Variants in USP45 observed in about 807,000 individuals in gnomAD.
USP45 encodes ubiquitin carboxyl-terminal hydrolase 45.
Under a neutral mutation model 95.8 loss-of-function variants are expected in USP45, and 89 were observed. The ratio of observed to expected loss-of-function variants is 0.93; its 90% confidence interval spans 0.78 to 1.11. The LOEUF (loss-of-function observed/expected upper bound fraction) is 1.11, where lower values mean the gene tolerates loss of function less well. USP45 is among the 50% of genes least tolerant of loss of function. USP45 has a pLI of 0.00. For synonymous variants in USP45, 281 were observed against 316.2 expected, an observed-to-expected ratio of 0.89 and a Z score of 1.18; for missense variants, 898 against 942.5, an observed-to-expected ratio of 0.95 and a Z score of 0.62.
rs1779879960 is a variant in USP45, at chr6:99,432,622, A to G, written c.*3094T>C. The G allele has an allele frequency of 6.6e-6, 1 of 152,222 alleles. No individual in the cohort carries two copies. Among genetic ancestry groups the G allele is most frequent in the Non-Finnish European group, 1.5e-5 (1 of 68,030 alleles). The allele number at this position is 152,222 out of a possible 1,614,324, so 9.4% of individuals were successfully genotyped here. A position where few individuals can be genotyped will look rare whatever the true frequency, so the allele number is the denominator to read the frequency against. Reference sequence around the variant, plus strand: ...TTAAACATTTGAATTCATGATTTCTACGTAAACAAAAACATCATAAATATC... The same window carrying G: ...TTAAACATTTGAATTCATGATTTCTGCGTAAACAAAAACATCATAAATATC... On this transcript the variant is annotated 3_prime_UTR_variant, in exon 18 of 18. Coordinates refer to ENST00000500704, the MANE Select transcript of USP45 (RefSeq NM_001346022.3).
intron 5 of USP45, among the ~76,000 whole-genome samples, chr6:99,501,547 C>T (rs1797354739): frequency 6.6e-6 from 1 of 152,178 alleles, no homozygotes; most frequent in Non-Finnish European, 1.5e-5. Flanking sequence ...TTTTGTAGCA[C>T]TTACCAGAAG....
chr6:99,436,511 C>T (rs1240422976), intron 17 of USP45, among the ~76,000 whole-genome samples: 1 of 151,900 alleles, frequency 6.6e-6, no homozygotes, highest in Non-Finnish European at 1.5e-5. Context: ...AGCCGAGATC[C>T]TGCCACTGCA....
At chr6:99,515,805 C>T (rs1225221450), upstream of USP45, among the ~76,000 whole-genome samples, 3 of 121,220 alleles carry the variant, frequency 2.5e-5, no homozygotes, top group Non-Finnish European at 4.7e-5. Context: ...GACGGAGTCT[C>T]GCTCTGTCGC....
At chr6:99,479,649 A>T (rs13201646) in intron 8 of USP45, among the ~76,000 whole-genome samples, 4 of 147,012 alleles carry the variant, frequency 2.7e-5, no homozygotes, top group South Asian at 2.1e-4. Context: ...AAGCATTTTT[A>T]AAAAATCCAT....
At chr6:99,482,211 AAAGC>A (rs1213742147) in intron 8 of USP45, 1 of 152,242 alleles carries the variant, frequency 6.6e-6, no homozygotes, top group African/African-American at 2.4e-5. Flanking sequence ...TACCTCATAA[AAAGC>A]AAGCTCTCAA....
upstream of USP45, among the ~76,000 whole-genome samples, chr6:99,516,500 A>G (rs184290966): frequency 6.6e-6 from 1 of 152,232 alleles, no homozygotes; most frequent in Admixed American, 6.5e-5. Flanking sequence ...CAGTATTTAC[A>G]TGTGGAGAAC....
Position 99,464,672 on chromosome 6 carries a change from CACT to C in USP45, c.1237_1239del (p.Ser413del), listed in dbSNP as rs1209659942. On this transcript the variant is annotated inframe_deletion, in exon 13 of 18. Transcript: ENST00000500704. The stretch of plus-strand genomic sequence containing the variant: ...TGAATATTTTCTATAGTAACATTGC[CACT>C]GTATCGATCATGATCTGTCTCCCGT... The C allele has an allele frequency of 6.2e-7, 1 of 1,613,128 alleles. No individual in the cohort carries two copies. Among genetic ancestry groups the C allele is most frequent in the Non-Finnish European group, 8.5e-7 (1 of 1,179,772 alleles).
intron 13 of USP45, among the ~76,000 whole-genome samples, chr6:99,459,666 T>C (rs1448750715): frequency 6.6e-6 from 1 of 152,224 alleles, no homozygotes; most frequent in East Asian, 1.9e-4. Context: ...TTTTTAATAA[T>C]AGCATTCTGA....
chr6:99,476,453 C>A (rs1269909876), intron 8 of USP45, among the ~76,000 whole-genome samples: 1 of 152,168 alleles, frequency 6.6e-6, no homozygotes, highest in Non-Finnish European at 1.5e-5. Flanking sequence ...CCAAAACACA[C>A]ACCCACACAC....
intron 13 of USP45, among the ~76,000 whole-genome samples, chr6:99,452,200 A>G (rs1308437243): frequency 6.6e-6 from 1 of 152,228 alleles, no homozygotes; most frequent in African/African-American, 2.4e-5. Context: ...TAAACTAAGG[A>G]GCTTCTGCAC....
chr6:99,488,880 T>C, intron 5 of USP45, 60 bp from the exon 6 acceptor site: 1 of 1,240,344 alleles, frequency 8.1e-7, no homozygotes, highest in Non-Finnish European at 1.1e-6. Context: ...TCACTTAACA[T>C]AATTTATATA....
At chr6:99,489,764 T>C (rs1202508989) in intron 5 of USP45, among the ~76,000 whole-genome samples, 2 of 151,938 alleles carry the variant, frequency 1.3e-5, no homozygotes, top group African/African-American at 4.8e-5. Context: ...CTGGCCAAGA[T>C]GGTGAAAGCC....
chr6:99,505,359 G>T (rs1562447707), intron 4 of USP45, among the ~76,000 whole-genome samples: 1 of 152,052 alleles, frequency 6.6e-6, no homozygotes, highest in Non-Finnish European at 1.5e-5. Flanking sequence ...AGTGTTCAAA[G>T]TGTTTTATAA....
rs1010098167 is a variant in USP45 at position 99,464,616 on chromosome 6, T to A, written c.1296A>T (p.Ser432=). Residue 432 remains serine (S), a synonymous_variant, in exon 13 of 18, where the codon TCA becomes TCT. Transcript: ENST00000500704. Reference sequence around the variant, plus strand: ...CTTATGGTCTTACCTTATCTTTAGATGAAGAATGCTTCTTGGCAGCTCTAG... The same window carrying A: ...CTTATGGTCTTACCTTATCTTTAGAAGAAGAATGCTTCTTGGCAGCTCTAG... ...HQPRAAKKHS[S]SKDKSQLIHD... 2.5e-6 allele frequency: 4 copies of A among 1,611,680 alleles called. No individual in the cohort carries two copies. Among genetic ancestry groups the A allele is most frequent in the Non-Finnish European group, 3.4e-6 (4 of 1,179,400 alleles).
chr6:99,441,684 G>T (rs920901519), intron 15 of USP45, among the ~76,000 whole-genome samples: 1 of 152,026 alleles, frequency 6.6e-6, no homozygotes, highest in African/African-American at 2.4e-5. Context: ...TGCTAATTTG[G>T]ACAGGTTGAA....
rs1425451193 is a variant in USP45, at chr6:99,496,305, A to G, written c.478+7460T>C. Among the ~76,000 whole-genome samples, 4 of 151,750 alleles carry G rather than the reference A, an allele frequency of 2.6e-5. No homozygotes were observed. In the East Asian group the frequency reaches 7.7e-4, roughly 29 times the overall value. On this transcript the variant is annotated intron_variant, in intron 5 of 17. Transcript: ENST00000500704. The stretch of plus-strand genomic sequence containing the variant: ...CCCAGCATGTATCACCTTTTTTTTT[A>G]AAGTATTAAATAGTAATCAAATTGT...
chr6:99,512,358 T>C (rs749385305), intron 1 of USP45, among the ~76,000 whole-genome samples: 21 of 152,206 alleles, frequency 1.4e-4, no homozygotes, highest in Non-Finnish European at 2.9e-4. Flanking sequence ...GAATACTCTT[T>C]CGACAGCAAA....
At chr6:99,505,745 T>G (rs1798384104) in intron 4 of USP45, among the ~76,000 whole-genome samples, 1 of 152,032 alleles carries the variant, frequency 6.6e-6, no homozygotes, top group African/African-American at 2.4e-5. Flanking sequence ...TAAACTGTGG[T>G]CTACAGACCA....
intron 3 of USP45, among the ~76,000 whole-genome samples, chr6:99,507,908 C>A (rs1031405279): frequency 6.6e-6 from 1 of 152,140 alleles, no homozygotes; most frequent in East Asian, 1.9e-4. Context: ...CCAATCATAG[C>A]GATTTCCCTC....
Sources: gnomAD v4.1 joint callset for allele counts (sites outside exome capture counted in the v4.1 genomes callset) on GRCh38, gnomAD v4.1.1 for gene constraint, MANE v1.5 for transcripts, NCBI Gene and HGNC (gene_info 2026-07-23, HGNC 2026-07-21) for gene names.